The following ZC3H15 variants were observed in gnomAD, a reference collection of about 807,000 sequenced individuals.
ZC3H15 encodes zinc finger CCCH domain-containing protein 15.
ZC3H15 carries 15 observed loss-of-function variants against 51.2 expected under a neutral mutation model. The ratio of observed to expected loss-of-function variants is 0.29; its 90% CI spans 0.20 to 0.45. ZC3H15 has a LOEUF of 0.45. ZC3H15 is among the 20% of genes least tolerant of loss of function. ZC3H15 has a pLI of 1.00. For synonymous variants in ZC3H15, 144 were observed against 162.8 expected, an observed-to-expected ratio of 0.88 and a Z score of 0.88; for missense variants, 381 against 494.7, an observed-to-expected ratio of 0.77 and a Z score of 2.18.
In ZC3H15 at chr2:186,500,305, A is replaced by T; in HGVS notation, c.289+12A>T. On this transcript the variant is annotated intron_variant, in intron 3 of 9. Transcript: ENST00000337859. ...AAAAATAAGTAAAGGTAAACTTAAAATTTCAGAAGTGTGATTTTTTATCAA... is the reference window on the plus strand; with the variant it reads ...AAAAATAAGTAAAGGTAAACTTAAATTTTCAGAAGTGTGATTTTTTATCAA... The T allele has an allele frequency of 6.3e-7, 1 of 1,581,102 alleles. No homozygotes were observed.
intron 1 of ZC3H15, 140 bp from the exon 2 acceptor site, chr2:186,495,093 T>C: frequency 2.0e-6 from 1 of 492,764 alleles, no homozygotes. Flanking sequence ...TATATTGCCT[T>C]GACTTGATGT....
At position 186,500,179 on chromosome 2, in the gene ZC3H15, T is replaced by A. The variant is rs1226135194; in HGVS notation, c.178-3T>A. 3 of 1,594,534 alleles carry A rather than the reference T, an allele frequency of 1.9e-6. No individual in the cohort carries two copies. The highest frequency in any genetic ancestry group is 4.5e-5 in the East Asian group (2 of 44,732). On this transcript the variant is annotated splice_polypyrimidine_tract_variant and splice_region_variant and intron_variant, in intron 2 of 9. Transcript: ENST00000337859. Reference sequence around the variant, plus strand: ...TTACATTTTAAACCTGGGAATATTATAGGTAGCACAGAGTGAAGCTGAAAA... The same window carrying A: ...TTACATTTTAAACCTGGGAATATTAAAGGTAGCACAGAGTGAAGCTGAAAA...
At chr2:186,507,364 T>C in intron 9 of ZC3H15, 1 of 455,872 alleles carries the variant, frequency 2.2e-6, no homozygotes, top group Non-Finnish European at 4.4e-6. Context: ...AGAAGAAAAA[T>C]GAATACAGTC....
intron 4 of ZC3H15, 151 bp from the exon 5 acceptor site, chr2:186,502,345 C>G: frequency 1.7e-6 from 1 of 577,188 alleles, no homozygotes; most frequent in Non-Finnish European, 2.9e-6. Context: ...ACACTCCATC[C>G]TGAGCAACAG....
At chr2:186,499,959 T>A (rs1685350613) in intron 2 of ZC3H15, among the ~76,000 whole-genome samples, 4 of 152,230 alleles carry the variant, frequency 2.6e-5, no homozygotes, top group Admixed American at 2.0e-4. Flanking sequence ...TAAATGCTTG[T>A]TGCTGTAAGC....
chr2:186,502,447 G>T, intron 4 of ZC3H15, 49 bp from the exon 5 acceptor site: 1 of 1,437,498 alleles, frequency 7.0e-7, no homozygotes, highest in East Asian at 2.4e-5. Flanking sequence ...TATGTGTTGT[G>T]GGAGTAGTAG....
chr2:186,503,612 AG>A (rs1685422199), intron 5 of ZC3H15, among the ~76,000 whole-genome samples: 1 of 152,134 alleles, frequency 6.6e-6, no homozygotes, highest in African/African-American at 2.4e-5. Flanking sequence ...TCCTGACCTC[AG>A]CAGGTGATCC....
At position 186,486,260 on chromosome 2, in the gene ZC3H15, G is replaced by A. The variant is rs2105582054; in HGVS notation, c.-123G>A. On this transcript the variant is annotated 5_prime_UTR_variant, in exon 1 of 10. Coordinates refer to ENST00000337859, the MANE Select transcript of ZC3H15 (RefSeq NM_018471.3). Reference sequence around the variant, plus strand: ...GGCCGCGTTTGCGGGGCCAATGAGCGACTCGCTTTCCGTGCGGTGCGGCGA... The same window carrying A: ...GGCCGCGTTTGCGGGGCCAATGAGCAACTCGCTTTCCGTGCGGTGCGGCGA... 8.7e-7 allele frequency: 1 copy of A among 1,150,652 alleles called. No homozygotes were observed. Among genetic ancestry groups the A allele is most frequent in the Non-Finnish European group, 1.2e-6 (1 of 851,196 alleles). The allele number at this position is 1,150,652 out of a possible 1,614,324, so 71.3% of individuals were successfully genotyped here.
Position 186,506,987 on chromosome 2 carries a change from AAAGG to A in ZC3H15, c.1090+152_1090+155del, listed in dbSNP as rs1462821096. On this transcript the variant is annotated intron_variant, in intron 9 of 9. Transcript: ENST00000337859. ...TAAATAAAAGCAGTAATAAATAGTG[AAAGG>A]CTGTAGACATGAGCAGCTGGGTGTA... is the stretch of plus-strand genomic sequence containing the variant. 10 of 869,894 alleles carry A rather than the reference AAAGG, an allele frequency of 1.1e-5. No homozygotes were observed. In the Admixed American group the frequency reaches 1.3e-4, roughly 11 times the overall value. 53.9% of individuals were successfully genotyped at this position (869,894 alleles called of 1,614,324 possible).
intron 1 of ZC3H15, 39 bp downstream of exon 1, chr2:186,486,496 T>C (rs1685096179): frequency 1.3e-6 from 2 of 1,512,708 alleles, no homozygotes; most frequent in Middle Eastern, 1.7e-4. Flanking sequence ...CCGCGAGCCC[T>C]CCGGAAAGCC....
Position 186,505,437 on chromosome 2 carries a change from C to A in ZC3H15, c.718-14C>A, listed in dbSNP as rs755943211. ...GACTTCTGTGGAAAAAAAATTAATT[C>A]TTTACCATTGCAGCGTTCTGCCCTA... On this transcript the variant is annotated splice_polypyrimidine_tract_variant and intron_variant, in intron 6 of 9. Transcript: ENST00000337859. 5 of 1,517,592 alleles carry A rather than the reference C, an allele frequency of 3.3e-6. No individual in the cohort carries two copies. Among genetic ancestry groups the A allele is most frequent in the East Asian group, 2.3e-5 (1 of 43,930 alleles). 94.0% of individuals were successfully genotyped at this position (1,517,592 alleles called of 1,614,324 possible). A position where few individuals can be genotyped will look rare whatever the true frequency, so the allele number is the denominator to read the frequency against.
chr2:186,506,758 A>T lies in ZC3H15; in HGVS notation c.1012A>T (p.Ile338Phe). ...SVNDIDLSLY[I>F]PRDVDETGIT... ...AAATGACATAGATTTAAGCCTGTAC[A>T]TCCCAAGAGATGTAGATGAAACAGG... The change falls in exon 9 of 10, where the codon ATC (isoleucine) becomes TTC (phenylalanine). Residue 338 changes from isoleucine to phenylalanine, a missense_variant. Transcript: ENST00000337859. 2.5e-6 allele frequency: 4 copies of T among 1,613,818 alleles called. No homozygotes were observed. Among genetic ancestry groups the T allele is most frequent in the Non-Finnish European group, 3.4e-6 (4 of 1,179,814 alleles).
At chr2:186,507,174 G>A (rs1685482949) in intron 9 of ZC3H15, among the ~76,000 whole-genome samples, 1 of 152,158 alleles carries the variant, frequency 6.6e-6, no homozygotes, top group Non-Finnish European at 1.5e-5. Flanking sequence ...CAGAACATCA[G>A]TGTTATGGGG....
intron 1 of ZC3H15, among the ~76,000 whole-genome samples, chr2:186,490,232 G>C (rs146486606): frequency 6.6e-6 from 1 of 152,142 alleles, no homozygotes; most frequent in East Asian, 1.9e-4. Flanking sequence ...GTCTGAAATG[G>C]CATATACCAT....
In ZC3H15 at chr2:186,495,155, A is replaced by G. The variant is rs569780176; in HGVS notation, c.76-78A>G. The G allele has an allele frequency of 3.2e-5, 25 of 793,500 alleles. 1 individual carries two copies. The South Asian group carries it at 4.8e-4, about 15-fold the overall frequency. 49.2% of individuals were successfully genotyped at this position (793,500 alleles called of 1,614,324 possible). A position where few individuals can be genotyped will look rare whatever the true frequency, so the allele number is the denominator to read the frequency against. ...GTAAAGAATAATTATCAATAAAAATAATGATTTTTAGATATCATTGGAGGA... is the reference window on the plus strand; with the variant it reads ...GTAAAGAATAATTATCAATAAAAATGATGATTTTTAGATATCATTGGAGGA... On this transcript the variant is annotated intron_variant, in intron 1 of 9. Coordinates refer to ENST00000337859, the MANE Select transcript of ZC3H15 (RefSeq NM_018471.3).
At chr2:186,491,283 T>G (rs535670465) in intron 1 of ZC3H15, among the ~76,000 whole-genome samples, 4 of 152,288 alleles carry the variant, frequency 2.6e-5, no homozygotes, top group African/African-American at 9.6e-5. Context: ...TAACATTTAC[T>G]GGCCCAGACA....
chr2:186,500,044 T>G (rs1006476671), intron 2 of ZC3H15, 138 bp from the exon 3 acceptor site: 1 of 688,246 alleles, frequency 1.5e-6, no homozygotes, highest in Admixed American at 3.3e-5. Flanking sequence ...GAATAGACTC[T>G]GTAAGGCCAT....
intron 8 of ZC3H15, chr2:186,506,048 T>A (rs2105594393): frequency 1.5e-6 from 1 of 668,818 alleles, no homozygotes; most frequent in Non-Finnish European, 2.7e-6. Flanking sequence ...TGAGAATTAA[T>A]CGAGTTCATG....
intron 2 of ZC3H15, among the ~76,000 whole-genome samples, chr2:186,498,819 G>A (rs766881796): frequency 3.6e-4 from 55 of 152,020 alleles, no homozygotes; most frequent in Non-Finnish European, 6.3e-4. Flanking sequence ...CTCTCCTTAA[G>A]TACCATATAC....
Sources: gnomAD v4.1 joint callset for allele counts (sites outside exome capture counted in the v4.1 genomes callset) on GRCh38, gnomAD v4.1.1 for gene constraint, MANE v1.5 for transcripts, NCBI Gene and HGNC (gene_info 2026-07-23, HGNC 2026-07-21) for gene names.